Variants in KLHL29 observed in about 807,000 individuals in gnomAD.
The protein encoded by KLHL29 is kelch-like protein 29.
A neutral mutation model predicts 80.4 loss-of-function variants in KLHL29; 21 were observed. That is an observed-to-expected ratio of 0.26 (90% confidence interval 0.19 to 0.38). The LOEUF (loss-of-function observed/expected upper bound fraction) is 0.38, where lower values mean the gene tolerates loss of function less well. KLHL29 is among the 10% of genes least tolerant of loss of function. The probability of loss-of-function intolerance (pLI) is 1.00; values close to 1 mark genes in which losing one functional copy is unlikely to be tolerated. For synonymous variants in KLHL29, 511 were observed against 526.8 expected, an observed-to-expected ratio of 0.97 and a Z score of 0.41; for missense variants, 867 against 1,223.9, an observed-to-expected ratio of 0.71 and a Z score of 4.35.
chr2:23,670,846 T>C (rs1237870004), intron 5 of KLHL29, among the ~76,000 whole-genome samples: 3 of 147,230 alleles, frequency 2.0e-5, no homozygotes, highest in Non-Finnish European at 4.5e-5. Context: ...TCTTCCAGGG[T>C]CTTCCTCCTG....
At chr2:23,574,228 A>G (rs1039612301) in intron 3 of KLHL29, among the ~76,000 whole-genome samples, 1 of 152,174 alleles carries the variant, frequency 6.6e-6, no homozygotes, top group Non-Finnish European at 1.5e-5. Context: ...CCCTGTTCCC[A>G]TGAGATCTTT....
intron 5 of KLHL29, among the ~76,000 whole-genome samples, chr2:23,664,288 C>T (rs1558430043): frequency 6.6e-6 from 1 of 152,206 alleles, no homozygotes; most frequent in Admixed American, 6.5e-5. Context: ...AGGGAACTTT[C>T]CAGCACACTG....
chr2:23,399,774 A>G (rs940452645), intron 1 of KLHL29, among the ~76,000 whole-genome samples: 4 of 152,198 alleles, frequency 2.6e-5, no homozygotes, highest in South Asian at 2.1e-4. Context: ...GATGTCAGTC[A>G]TCATGGGTTT....
chr2:23,586,737 C>T (rs1197925735), intron 3 of KLHL29, among the ~76,000 whole-genome samples: 3 of 152,128 alleles, frequency 2.0e-5, no homozygotes, highest in Non-Finnish European at 4.4e-5. Flanking sequence ...GAGGGAGAAG[C>T]CCTTGTGCTT....
At position 23,647,976 on chromosome 2, in the gene KLHL29, G is replaced by A. The variant is rs572229752; in HGVS notation, c.940+5126G>A. Among the ~76,000 whole-genome samples the A allele has an allele frequency of 6.6e-6, 1 of 152,088 alleles. No homozygotes were observed. The highest frequency in any genetic ancestry group is 1.5e-5 in the Non-Finnish European group (1 of 68,016). On this transcript the variant is annotated intron_variant, in intron 5 of 13. Transcript: ENST00000486442. This position sits in a 1 kb window ranked among gnomAD's most constrained non-coding sequence, Gnocchi z 4.9. ...AGCGTCTGATGAATGTGGGCACAAA[G>A]CACTGAGCTGAGAATCACCCACCAG...
At chr2:23,591,009 CCTGAGAAATAAAGCAGGAAAAGAAGT>C (rs937961877) in intron 3 of KLHL29, among the ~76,000 whole-genome samples, 7 of 152,148 alleles carry the variant, frequency 4.6e-5, no homozygotes, top group East Asian at 1.9e-4. Context: ...CAACGACCCC[CCTGAGAAATAAAGCAGGAAAAGAAGT>C]CTGAGAAATA....
At chr2:23,633,756 CGTGTG>C (rs60238252) in intron 3 of KLHL29, among the ~76,000 whole-genome samples, 3,968 of 147,218 alleles carry the variant, frequency 0.027, 170 homozygotes, top group African/African-American at 0.085. Flanking sequence ...TCACAGCACT[CGTGTG>C]TGTGTGTGTG....
At chr2:23,404,559 C>G (rs983956590) in intron 1 of KLHL29, among the ~76,000 whole-genome samples, 9 of 152,126 alleles carry the variant, frequency 5.9e-5, no homozygotes, top group Admixed American at 5.2e-4. Context: ...TCCACTGTCA[C>G]GCCCACAAGA....
intron 6 of KLHL29, chr2:23,689,865 T>C (rs754600365): frequency 6.6e-6 from 1 of 152,286 alleles, no homozygotes; most frequent in Non-Finnish European, 1.5e-5. Flanking sequence ...CACCGAGGTA[T>C]GGAAATCCAT....
chr2:23,687,363 T>C (rs1671310554), intron 6 of KLHL29, among the ~76,000 whole-genome samples: 1 of 152,116 alleles, frequency 6.6e-6, no homozygotes, highest in Admixed American at 6.5e-5. Context: ...TGTCCACCAC[T>C]CCAGCCCCAG....
At chr2:23,466,822 A>G (rs1248545347) in intron 1 of KLHL29, among the ~76,000 whole-genome samples, 2 of 152,220 alleles carry the variant, frequency 1.3e-5, no homozygotes, top group Admixed American at 1.3e-4. Context: ...AATGCTTACT[A>G]GGGAGGGGAG....
At chr2:23,494,029 T>C (rs1665184511) in intron 2 of KLHL29, among the ~76,000 whole-genome samples, 1 of 152,216 alleles carries the variant, frequency 6.6e-6, no homozygotes, top group Non-Finnish European at 1.5e-5. Context: ...TAGCAAGTAA[T>C]GTAAAACACA....
chr2:23,618,318 A>G (rs1450915145), intron 3 of KLHL29, among the ~76,000 whole-genome samples: 1 of 152,156 alleles, frequency 6.6e-6, no homozygotes, highest in African/African-American at 2.4e-5. Flanking sequence ...GTGCCCAGGT[A>G]TTTGGGCCAA....
intron 2 of KLHL29, among the ~76,000 whole-genome samples, chr2:23,536,440 T>C (rs1351159419): frequency 6.6e-6 from 1 of 152,162 alleles, no homozygotes; most frequent in Non-Finnish European, 1.5e-5. Context: ...AGCAGGGGGC[T>C]GGTGCCGGCC....
chr2:23,397,228 C>G (rs969294617), intron 1 of KLHL29, among the ~76,000 whole-genome samples: 3 of 152,186 alleles, frequency 2.0e-5, no homozygotes, highest in African/African-American at 7.2e-5. Context: ...GGCAGGGGCT[C>G]CAGCCCCAGT....
At chr2:23,560,308 G>A (rs1242690302) in intron 2 of KLHL29, among the ~76,000 whole-genome samples, 2 of 106,104 alleles carry the variant, frequency 1.9e-5, no homozygotes, top group Non-Finnish European at 3.4e-5. Context: ...GTCTTGCTCT[G>A]TTGACAGGCT....
intron 1 of KLHL29, among the ~76,000 whole-genome samples, chr2:23,458,603 T>C (rs114026994): frequency 0.01 from 1,590 of 152,360 alleles, 38 homozygotes; most frequent in African/African-American, 0.037. Flanking sequence ...CTCATAGCTC[T>C]ACAGCCAGGA....
intron 2 of KLHL29, among the ~76,000 whole-genome samples, chr2:23,521,306 A>G (rs1558370762): frequency 6.6e-6 from 1 of 152,196 alleles, no homozygotes; most frequent in Non-Finnish European, 1.5e-5. Flanking sequence ...AGGAAGGACA[A>G]GGGACTCCTA....
chr2:23,654,655 G>A (rs901338845), intron 5 of KLHL29, among the ~76,000 whole-genome samples: 1 of 142,054 alleles, frequency 7.0e-6, no homozygotes, highest in African/African-American at 2.5e-5. Flanking sequence ...GGTGGGCAGG[G>A]CTGGGAGATG....
Sources: gnomAD v4.1 joint callset for allele counts (sites outside exome capture counted in the v4.1 genomes callset) on GRCh38, gnomAD v4.1.1 for gene constraint, Gnocchi (gnomAD v3.1) non-coding constraint, MANE v1.5 for transcripts, NCBI Gene and HGNC (gene_info 2026-07-23, HGNC 2026-07-21) for gene names.